The following RBFOX1 variants were observed in gnomAD, a reference collection of about 807,000 sequenced individuals.
The protein encoded by RBFOX1 is RNA binding protein fox-1 homolog 1.
In RBFOX1, 8 loss-of-function variants were observed where a neutral mutation model predicts 57.7. The observed-to-expected ratio is 0.14, with a 90% CI of 0.08 to 0.25. The LOEUF is 0.25. RBFOX1 is among the 10% of genes least tolerant of loss of function. The pLI, the probability that RBFOX1 is intolerant of heterozygous loss-of-function variation, is 1.00. For missense variants in RBFOX1, 611 were observed against 548.5 expected, an observed-to-expected ratio of 1.11 and a Z score of -1.14; for synonymous variants, 326 against 222.4, an observed-to-expected ratio of 1.47 and a Z score of -4.15.
At chr16:5,280,733 A>G (rs1223625134) in intron 1 of RBFOX1, among the ~76,000 whole-genome samples, 6 of 151,844 alleles carry the variant, frequency 4.0e-5, no homozygotes, top group Admixed American at 2.6e-4. Context: ...GTTGTTCATA[A>G]TAGCCTCTAA....
intron 4 of RBFOX1, among the ~76,000 whole-genome samples, chr16:7,236,239 G>A (rs2093759855): frequency 6.6e-6 from 1 of 152,164 alleles, no homozygotes. Flanking sequence ...TCTGTAAAGG[G>A]AAGCCCAAGT....
At chr16:7,456,537 G>A (rs768949083) in intron 4 of RBFOX1, among the ~76,000 whole-genome samples, 1 of 152,164 alleles carries the variant, frequency 6.6e-6, no homozygotes, top group Non-Finnish European at 1.5e-5. Context: ...CCTGTTTGGC[G>A]TAACAAAATC....
chr16:7,326,167 T>A (rs957612057), intron 4 of RBFOX1, among the ~76,000 whole-genome samples: 1 of 152,168 alleles, frequency 6.6e-6, no homozygotes, highest in African/African-American at 2.4e-5. Flanking sequence ...CTGTGCCCAG[T>A]CCTGGGTGAA....
At chr16:7,175,480 G>C (rs924777837) in intron 4 of RBFOX1, among the ~76,000 whole-genome samples, 3 of 152,162 alleles carry the variant, frequency 2.0e-5, no homozygotes, top group African/African-American at 7.2e-5. Context: ...GTGTGACAGG[G>C]AGCTGAGACT....
intron 3 of RBFOX1, among the ~76,000 whole-genome samples, chr16:6,793,917 G>C (rs980756448): frequency 3.3e-5 from 5 of 152,106 alleles, no homozygotes; most frequent in Non-Finnish European, 7.4e-5. Context: ...TTGAGCAGTA[G>C]TCCAGGGGAG....
rs80202688 is a variant in RBFOX1, at chr16:6,851,628, C to G, written c.-16+196978C>G. ...TTAATTATCTTTACATGCCTCCTCT[C>G]AAGCCTCCTGTTGTCAGGGAAAGAA... On this transcript the variant is annotated intron_variant, in intron 3 of 15. Coordinates refer to ENST00000550418, the MANE Select transcript of RBFOX1 (RefSeq NM_018723.4). Among the ~76,000 whole-genome samples, 595 of 152,290 alleles carry G rather than the reference C, an allele frequency of 3.9e-3. 3 individuals carry two copies. The highest frequency in any genetic ancestry group is 0.013 in the African/African-American group (557 of 41,548).
At chr16:6,284,837 G>T (rs768933786) in intron 1 of RBFOX1, among the ~76,000 whole-genome samples, 1 of 152,098 alleles carries the variant, frequency 6.6e-6, no homozygotes, top group African/African-American at 2.4e-5. Flanking sequence ...CATTATATAC[G>T]AGTGCATGGA....
At chr16:7,318,903 C>T (rs892099441) in intron 4 of RBFOX1, among the ~76,000 whole-genome samples, 11 of 152,036 alleles carry the variant, frequency 7.2e-5, no homozygotes, top group Admixed American at 2.6e-4. Context: ...GGCTGCTTAG[C>T]GAGGTAGGCA....
intron 3 of RBFOX1, among the ~76,000 whole-genome samples, chr16:6,911,278 G>A (rs2071519749): frequency 6.6e-6 from 1 of 151,264 alleles, no homozygotes; most frequent in East Asian, 1.9e-4. Context: ...CTATAACAAA[G>A]TTCCACAAAC....
chr16:5,369,891 T>G (rs1003765343), intron 1 of RBFOX1, among the ~76,000 whole-genome samples: 1 of 152,108 alleles, frequency 6.6e-6, no homozygotes, highest in Non-Finnish European at 1.5e-5. Flanking sequence ...CCACAATTAC[T>G]TTTGCACCAA....
intron 1 of RBFOX1, among the ~76,000 whole-genome samples, chr16:5,396,100 T>C (rs1376778003): frequency 6.6e-6 from 1 of 152,190 alleles, no homozygotes; most frequent in Non-Finnish European, 1.5e-5. Flanking sequence ...GTGTGTTGTT[T>C]TAAGCCCCCA....
chr16:6,154,285 G>C (rs190501222), intron 1 of RBFOX1, among the ~76,000 whole-genome samples: 54 of 152,286 alleles, frequency 3.5e-4, no homozygotes, highest in Non-Finnish European at 7.2e-4. Context: ...TAAAGGTAAT[G>C]GCAAAGATTG....
intron 3 of RBFOX1, among the ~76,000 whole-genome samples, chr16:5,703,291 A>G (rs1406793292): frequency 1.3e-5 from 2 of 152,192 alleles, no homozygotes; most frequent in South Asian, 2.1e-4. Context: ...AGGATATGAT[A>G]TTTGAACCAA....
chr16:5,357,235 C>G (rs1214622940), intron 1 of RBFOX1, among the ~76,000 whole-genome samples: 2 of 152,218 alleles, frequency 1.3e-5, no homozygotes, highest in African/African-American at 4.8e-5. Flanking sequence ...GTTTGTTCTA[C>G]TGGGGCATTC....
chr16:7,649,197 A>T (rs1406816207), intron 11 of RBFOX1, among the ~76,000 whole-genome samples: 1 of 152,202 alleles, frequency 6.6e-6, no homozygotes, highest in African/African-American at 2.4e-5. Flanking sequence ...CCCTTGGTAT[A>T]ATACTTGTTT....
At chr16:6,661,996 C>G (rs2098704392) in intron 3 of RBFOX1, among the ~76,000 whole-genome samples, 1 of 151,936 alleles carries the variant, frequency 6.6e-6, no homozygotes, top group Non-Finnish European at 1.5e-5. Context: ...ATAGATGAAC[C>G]TAGAGGACAT....
chr16:7,304,480 C>T, intron 4 of RBFOX1: 4 of 985,300 alleles, frequency 4.1e-6, no homozygotes, highest in Non-Finnish European at 3.6e-6. Context: ...TATGTACTTA[C>T]AGCAGGTAAG....
At chr16:7,467,348 C>T (rs2060717508) in intron 4 of RBFOX1, among the ~76,000 whole-genome samples, 1 of 152,106 alleles carries the variant, frequency 6.6e-6, no homozygotes, top group South Asian at 2.1e-4. Context: ...ACTTGGCAGT[C>T]TTTAAGGTCA....
intron 3 of RBFOX1, among the ~76,000 whole-genome samples, chr16:6,821,015 A>C (rs747419694): frequency 2.0e-5 from 3 of 152,232 alleles, no homozygotes; most frequent in Non-Finnish European, 4.4e-5. Flanking sequence ...TAGGGTTATT[A>C]TCACTTAATT....
Sources: gnomAD v4.1 joint callset for allele counts (sites outside exome capture counted in the v4.1 genomes callset) on GRCh38, gnomAD v4.1.1 for gene constraint, MANE v1.5 for transcripts, NCBI Gene and HGNC (gene_info 2026-07-23, HGNC 2026-07-21) for gene names.